Variants in OTULIN observed in about 807,000 individuals in gnomAD.
OTULIN encodes the protein ubiquitin thioesterase otulin.
Under a neutral mutation model 39.6 loss-of-function variants are expected in OTULIN, and 15 were observed. That is an observed-to-expected ratio of 0.38 (90% CI 0.25 to 0.58). The LOEUF (loss-of-function observed/expected upper bound fraction) is 0.58. Ranked by LOEUF, OTULIN falls within the 20% of genes least tolerant of loss-of-function variation. The pLI, the probability that OTULIN is intolerant of heterozygous loss-of-function variation, is 0.66. For missense variants in OTULIN, 319 were observed against 445.9 expected (o/e 0.72, Z 2.56); for synonymous variants, 156 against 170.3 (o/e 0.92, Z 0.65).
At chr5:14,707,156 G>A in the OTULIN span, 1 of 152,168 alleles carries the variant, frequency 6.6e-6, no homozygotes, top group Non-Finnish European at 1.5e-5. Flanking sequence ...TGCTGTCCTG[G>A]GCACTGTTCT....
intron 1 of OTULIN, among the ~76,000 whole-genome samples, chr5:14,666,442 A>G (rs1367956353): frequency 1.3e-5 from 2 of 152,192 alleles, no homozygotes; most frequent in Non-Finnish European, 2.9e-5. Flanking sequence ...GTCATTTTAC[A>G]CATTCACAGA....
chr5:14,673,803 A>G, intron 2 of OTULIN, 85 bp downstream of exon 2: 2 of 1,121,498 alleles, frequency 1.8e-6, no homozygotes, highest in East Asian at 2.5e-5. Context: ...TTTTCATAAA[A>G]TATCAATAAA....
intron 2 of OTULIN, among the ~76,000 whole-genome samples, chr5:14,676,326 T>C (rs563023296): frequency 6.6e-5 from 10 of 152,348 alleles, no homozygotes; most frequent in African/African-American, 2.2e-4. Flanking sequence ...CTAAAGAAAG[T>C]TGCTTTTGAA....
At position 14,693,054 on chromosome 5, in the gene OTULIN, G is replaced by A. The variant is rs376636536; in HGVS notation, c.*6G>A. 96 of 1,597,766 alleles carry A rather than the reference G, an allele frequency of 6.0e-5. No homozygotes were observed. The highest frequency in any genetic ancestry group is 7.4e-5 in the Non-Finnish European group (87 of 1,169,450). ...GTGAGGAGACCAGTCTATGAGAGACGCATGCTCCTGACAGCCTGGCGACGT... is the reference window on the plus strand; with the variant it reads ...GTGAGGAGACCAGTCTATGAGAGACACATGCTCCTGACAGCCTGGCGACGT... On this transcript the variant is annotated 3_prime_UTR_variant, in exon 7 of 7. Transcript: ENST00000284274.
chr5:14,669,991 A>G (rs1735942233), intron 1 of OTULIN, among the ~76,000 whole-genome samples: 1 of 152,216 alleles, frequency 6.6e-6, no homozygotes, highest in South Asian at 2.1e-4. Flanking sequence ...TTATCCTACA[A>G]TGGTATAGAA....
chr5:14,688,493 C>T (rs914721453), intron 5 of OTULIN, among the ~76,000 whole-genome samples: 3 of 152,184 alleles, frequency 2.0e-5, no homozygotes, highest in Non-Finnish European at 4.4e-5. Flanking sequence ...CCTTGACACC[C>T]TGTGTCCAGC....
the OTULIN span, chr5:14,708,887 GGGAAA>G: frequency 2.8e-5 from 4 of 144,894 alleles, no homozygotes; most frequent in African/African-American, 1.1e-4. Context: ...TGGATTTAGA[GGGAAA>G]GGATTTTTTT....
chr5:14,670,786 T>G (rs1238896417), intron 1 of OTULIN, among the ~76,000 whole-genome samples: 1 of 151,652 alleles, frequency 6.6e-6, no homozygotes, highest in Non-Finnish European at 1.5e-5. Flanking sequence ...TTTTTTTTTT[T>G]GTAGAGGCGG....
chr5:14,686,935 A>G (rs1163403737), intron 4 of OTULIN, among the ~76,000 whole-genome samples: 1 of 152,252 alleles, frequency 6.6e-6, no homozygotes, highest in Non-Finnish European at 1.5e-5. Flanking sequence ...TTTTATCTTA[A>G]TAGATCGATT....
Position 14,690,509 on chromosome 5 carries a change from GTGT to G in OTULIN, c.864+206_864+208del, listed in dbSNP as rs1484029663. Among the ~76,000 whole-genome samples, 2 of 152,128 alleles carry G rather than the reference GTGT, an allele frequency of 1.3e-5. No homozygotes were observed. The highest frequency in any genetic ancestry group is 2.9e-5 in the Non-Finnish European group (2 of 67,998). On this transcript the variant is annotated intron_variant, in intron 6 of 6. Coordinates refer to ENST00000284274, the MANE Select transcript of OTULIN (RefSeq NM_138348.6). This position sits in a 1 kb window ranked among gnomAD's most constrained non-coding sequence, Gnocchi z 4.5. Reference sequence around the variant, plus strand: ...ACTGGGGCTGGAAGATCTACTTCCAGTGTTGTTCACTCATGTGGCTGTGGGCAG... The same window carrying G: ...ACTGGGGCTGGAAGATCTACTTCCAGTGTTCACTCATGTGGCTGTGGGCAG...
chr5:14,683,872 C>G (rs1318755201), intron 4 of OTULIN, among the ~76,000 whole-genome samples: 3 of 151,916 alleles, frequency 2.0e-5, no homozygotes, highest in African/African-American at 7.3e-5. Flanking sequence ...AATGTCTCCC[C>G]CCCTTTTTTT....
Position 14,693,148 on chromosome 5 carries a change from G to GA in OTULIN, c.*102dup. On this transcript the variant is annotated 3_prime_UTR_variant, in exon 7 of 7. Coordinates refer to ENST00000284274, the MANE Select transcript of OTULIN (RefSeq NM_138348.6). Reference sequence around the variant, plus strand: ...GGGGGTCTCTAAGAACAATCTCTGAGAAGAACCCTTGGGCCCCTGGGAGCC... The same window carrying GA: ...GGGGGTCTCTAAGAACAATCTCTGAGAAAGAACCCTTGGGCCCCTGGGAGCC... 8.2e-7 allele frequency: 1 copy of GA among 1,216,606 alleles called. No homozygotes were observed. The highest frequency in any genetic ancestry group is 1.1e-6 in the Non-Finnish European group (1 of 882,016). The allele number at this position is 1,216,606 out of a possible 1,614,324, so 75.4% of individuals were successfully genotyped here. A position where few individuals can be genotyped will look rare whatever the true frequency, so the allele number is the denominator to read the frequency against.
intron 1 of OTULIN, among the ~76,000 whole-genome samples, chr5:14,671,826 T>C (rs1735985016): frequency 1.3e-5 from 2 of 152,226 alleles, no homozygotes; most frequent in African/African-American, 4.8e-5. Context: ...CAACAGTGGA[T>C]ATAAAATGAG....
At chr5:14,715,264 T>C in the OTULIN span, among the ~76,000 whole-genome samples, 2 of 152,226 alleles carry the variant, frequency 1.3e-5, no homozygotes, top group Admixed American at 6.5e-5. Context: ...CCTGAGTAGC[T>C]GGGATTACAG....
At chr5:14,684,574 C>G (rs1182492959) in intron 4 of OTULIN, among the ~76,000 whole-genome samples, 1 of 152,224 alleles carries the variant, frequency 6.6e-6, no homozygotes, top group Admixed American at 6.5e-5. Context: ...ACAGCCCTTC[C>G]CTTGGAAGGT....
Position 14,693,579 on chromosome 5 carries a change from A to G in OTULIN, c.*531A>G, listed in dbSNP as rs930807670. 1 of 152,302 alleles carries G rather than the reference A, an allele frequency of 6.6e-6. No individual in the cohort carries two copies. The highest frequency in any genetic ancestry group is 1.5e-5 in the Non-Finnish European group (1 of 68,112). The allele number at this position is 152,302 out of a possible 1,614,324, so 9.4% of individuals were successfully genotyped here. A position where few individuals can be genotyped will look rare whatever the true frequency, so the allele number is the denominator to read the frequency against. On this transcript the variant is annotated 3_prime_UTR_variant, in exon 7 of 7. Coordinates refer to ENST00000284274, the MANE Select transcript of OTULIN (RefSeq NM_138348.6). Reference sequence around the variant, plus strand: ...CTGCTTTAAGTGGTATAATTCTGGGATAGATCTGTTACTGGCATAGTCATG... The same window carrying G: ...CTGCTTTAAGTGGTATAATTCTGGGGTAGATCTGTTACTGGCATAGTCATG...
chr5:14,714,240 T>G, the OTULIN span, among the ~76,000 whole-genome samples: 1 of 152,178 alleles, frequency 6.6e-6, no homozygotes, highest in South Asian at 2.1e-4. Context: ...TGGGCCCTCG[T>G]TGGTGTGCTG....
At chr5:14,681,978 T>C (rs1736262470) in intron 4 of OTULIN, among the ~76,000 whole-genome samples, 1 of 152,258 alleles carries the variant, frequency 6.6e-6, no homozygotes. Flanking sequence ...TTAGCTATAA[T>C]TCAATAAATT....
At position 14,697,061 on chromosome 5, in the gene OTULIN, G is replaced by GTGCA. The variant is rs1006913517; in HGVS notation, c.*4016_*4019dup. On this transcript the variant is annotated 3_prime_UTR_variant, in exon 7 of 7. Coordinates refer to ENST00000284274, the MANE Select transcript of OTULIN (RefSeq NM_138348.6). The stretch of plus-strand genomic sequence containing the variant: ...GACCAGGAGGGGTGTGTGTGTGTGT[G>GTGCA]TGCATGTGTGTATATGCGTGTTGGT... The GTGCA allele has an allele frequency of 2.2e-4, 33 of 152,198 alleles. No individual in the cohort carries two copies. The highest frequency in any genetic ancestry group is 8.0e-4 in the African/African-American group (33 of 41,384). 9.4% of individuals were successfully genotyped at this position (152,198 alleles called of 1,614,324 possible).
Sources: gnomAD v4.1 joint callset for allele counts (sites outside exome capture counted in the v4.1 genomes callset) on GRCh38, gnomAD v4.1.1 for gene constraint, Gnocchi (gnomAD v3.1) non-coding constraint, MANE v1.5 for transcripts, NCBI Gene and HGNC (gene_info 2026-07-23, HGNC 2026-07-21) for gene names.